MYO3B: variants seen among roughly 807,000 people sequenced by gnomAD.
The protein encoded by MYO3B is myosin IIIB.
MYO3B carries 156 observed loss-of-function variants against 174.6 expected under a neutral mutation model. The ratio of observed to expected loss-of-function variants is 0.89; its 90% CI spans 0.78 to 1.02. The LOEUF (loss-of-function observed/expected upper bound fraction) is 1.02, where lower values mean the gene tolerates loss of function less well. Ranked by LOEUF, MYO3B falls within the 50% of genes least tolerant of loss-of-function variation. The probability of loss-of-function intolerance (pLI) is 0.00; values close to 1 mark genes in which losing one functional copy is unlikely to be tolerated. For synonymous variants in MYO3B, 563 were observed against 569.1 expected, an observed-to-expected ratio of 0.99 and a Z score of 0.15; for missense variants, 1,632 against 1,639.4, an observed-to-expected ratio of 1.00 and a Z score of 0.08.
chr2:170,422,422 A>T (rs1348081229), intron 22 of MYO3B, among the ~76,000 whole-genome samples: 2 of 150,890 alleles, frequency 1.3e-5, no homozygotes, highest in Non-Finnish European at 2.9e-5. Flanking sequence ...ACCTTATGGG[A>T]CAGTGCTATA....
intron 7 of MYO3B, among the ~76,000 whole-genome samples, chr2:170,290,582 A>G (rs1266445842): frequency 6.6e-6 from 1 of 152,080 alleles, no homozygotes; most frequent in Non-Finnish European, 1.5e-5. Flanking sequence ...TTATATGTGA[A>G]GTAGGTTTCT....
chr2:170,401,802 C>CTTTTTTTTT lies in MYO3B; in HGVS notation c.2129+118_2129+126dup, dbSNP rs769531863. On this transcript the variant is annotated intron_variant, in intron 18 of 34. Coordinates refer to ENST00000408978, the MANE Select transcript of MYO3B (RefSeq NM_138995.5). ...CCTCTCTGGGATTTTCTTTCTTTTT[C>CTTTTTTTTT]TTTTTTTTTTTTTTTGTGGAGTCAG... 9.0e-5 allele frequency: 63 copies of CTTTTTTTTT among 699,402 alleles called. 1 individual carries two copies. The highest frequency in any genetic ancestry group is 9.5e-5 in the Non-Finnish European group (43 of 450,574). 43.3% of individuals were successfully genotyped at this position (699,402 alleles called of 1,614,324 possible).
chr2:170,407,131 T>C (rs2094514808), intron 21 of MYO3B, among the ~76,000 whole-genome samples: 1 of 152,162 alleles, frequency 6.6e-6, no homozygotes, highest in African/African-American at 2.4e-5. Flanking sequence ...TTAATAATTA[T>C]TCTGATGTGA....
chr2:170,481,724 A>G (rs1260907880), intron 25 of MYO3B, among the ~76,000 whole-genome samples: 1 of 152,196 alleles, frequency 6.6e-6, no homozygotes, highest in African/African-American at 2.4e-5. Context: ...TGAAGTCTCC[A>G]CATCTACCTT....
At chr2:170,592,654 CT>C (rs1299319273) in intron 32 of MYO3B, among the ~76,000 whole-genome samples, 1 of 152,318 alleles carries the variant, frequency 6.6e-6, no homozygotes, top group East Asian at 1.9e-4. Flanking sequence ...GTCCCCTTCA[CT>C]GACCATAAGG....
intron 6 of MYO3B, among the ~76,000 whole-genome samples, chr2:170,227,880 C>T (rs899750252): frequency 3.0e-4 from 46 of 152,074 alleles, no homozygotes; most frequent in African/African-American, 1.1e-3. Flanking sequence ...TGGCCTTGAG[C>T]GCATATATCT....
intron 32 of MYO3B, among the ~76,000 whole-genome samples, chr2:170,651,316 C>G (rs1230731227): frequency 6.6e-6 from 1 of 152,156 alleles, no homozygotes; most frequent in Non-Finnish European, 1.5e-5. Context: ...CTAAGGGCAC[C>G]CTACTCTATA....
chr2:170,419,450 C>G (rs1018299659), intron 22 of MYO3B, among the ~76,000 whole-genome samples: 1 of 152,200 alleles, frequency 6.6e-6, no homozygotes, highest in Non-Finnish European at 1.5e-5. Context: ...CCCACTCTTA[C>G]AGCCACATCT....
chr2:170,261,880 A>AT (rs1277254057), intron 7 of MYO3B, among the ~76,000 whole-genome samples: 1 of 152,212 alleles, frequency 6.6e-6, no homozygotes. Flanking sequence ...GAAATAGAAT[A>AT]TAGGATAGCA....
intron 32 of MYO3B, among the ~76,000 whole-genome samples, chr2:170,627,965 G>A (rs1696605414): frequency 6.6e-6 from 1 of 152,206 alleles, no homozygotes. Context: ...CCCCTACTGG[G>A]GGGTGCCTCC....
chr2:170,262,926 C>G (rs1485908189), intron 7 of MYO3B, among the ~76,000 whole-genome samples: 1 of 152,152 alleles, frequency 6.6e-6, no homozygotes, highest in Non-Finnish European at 1.5e-5. Flanking sequence ...TTAATCTACT[C>G]AAAATGCTTT....
At chr2:170,557,443 A>C (rs369594541) in intron 32 of MYO3B, among the ~76,000 whole-genome samples, 1 of 152,294 alleles carries the variant, frequency 6.6e-6, no homozygotes, top group East Asian at 1.9e-4. Flanking sequence ...TCCTGGAAAA[A>C]CTAGAAAAAC....
chr2:170,651,454 G>C (rs1699005594), intron 32 of MYO3B, among the ~76,000 whole-genome samples, 174 bp from the exon 33 acceptor site: 2 of 152,180 alleles, frequency 1.3e-5, no homozygotes, highest in Admixed American at 1.3e-4. Flanking sequence ...TTTACACTTA[G>C]CAATCTGTGT....
intron 32 of MYO3B, among the ~76,000 whole-genome samples, chr2:170,573,715 T>C (rs1692605611): frequency 6.6e-6 from 1 of 152,094 alleles, no homozygotes; most frequent in Non-Finnish European, 1.5e-5. Context: ...GAAAAGATAA[T>C]GCTAATATAT....
intron 21 of MYO3B, 148 bp downstream of exon 21, chr2:170,405,781 T>A: frequency 1.4e-6 from 1 of 717,800 alleles, no homozygotes; most frequent in Non-Finnish European, 2.2e-6. Flanking sequence ...TTAAAGTTTC[T>A]CAGTGGTGCC....
At chr2:170,556,196 G>GAAAA (rs560028726) in intron 32 of MYO3B, among the ~76,000 whole-genome samples, 1 of 142,574 alleles carries the variant, frequency 7.0e-6, no homozygotes, top group African/African-American at 2.6e-5. Flanking sequence ...ACTCTGTCTA[G>GAAAA]AAAAAAAAAA....
chr2:170,569,437 A>T (rs977650200), intron 32 of MYO3B, among the ~76,000 whole-genome samples: 1 of 151,920 alleles, frequency 6.6e-6, no homozygotes. Context: ...CTTGAATTGT[A>T]TGCTAATTCA....
At chr2:170,536,056 T>G (rs1171740716) in intron 30 of MYO3B, among the ~76,000 whole-genome samples, 1 of 152,168 alleles carries the variant, frequency 6.6e-6, no homozygotes, top group Non-Finnish European at 1.5e-5. Context: ...GCTCCTACCT[T>G]AGACTTTTAC....
chr2:170,374,764 C>CACACACAT lies in MYO3B; in HGVS notation c.971+5394_971+5395insTACACACA, dbSNP rs1574872088. The stretch of plus-strand genomic sequence containing the variant: ...ATATATATATATGCATACATACACA[C>CACACACAT]ACACACACACACACACACACACACA... On this transcript the variant is annotated intron_variant, in intron 9 of 34. Transcript: ENST00000408978. Among the ~76,000 whole-genome samples, 3 of 60,880 alleles carry CACACACAT rather than the reference C, an allele frequency of 4.9e-5. No homozygotes were observed. The East Asian group carries it at 1.2e-3, about 24-fold the overall frequency. The allele number at this position is 60,880 out of a possible 152,430, so 39.9% of individuals were successfully genotyped here. A position where few individuals can be genotyped will look rare whatever the true frequency, so the allele number is the denominator to read the frequency against.
Sources: allele counts gnomAD v4.1 joint callset (sites outside exome capture counted in the v4.1 genomes callset), GRCh38; gene constraint gnomAD v4.1.1; transcripts MANE v1.5; gene names NCBI Gene and HGNC (gene_info 2026-07-23, HGNC 2026-07-21).